Variants in LSAMP observed in about 807,000 individuals in gnomAD.
LSAMP encodes limbic system associated membrane protein.
Under a neutral mutation model 38.6 loss-of-function variants are expected in LSAMP, and 7 were observed. The observed-to-expected ratio is 0.18, with a 90% confidence interval of 0.10 to 0.34. The LOEUF (loss-of-function observed/expected upper bound fraction) is 0.34. LSAMP is among the 10% of genes least tolerant of loss of function. The pLI, the probability that LSAMP is intolerant of heterozygous loss-of-function variation, is 1.00. For missense variants in LSAMP, 313 were observed against 420.0 expected, an observed-to-expected ratio of 0.75 and a Z score of 2.23; for synonymous variants, 154 against 166.8, an observed-to-expected ratio of 0.92 and a Z score of 0.59.
intron 3 of LSAMP, among the ~76,000 whole-genome samples, chr3:115,871,425 A>G (rs112636434): frequency 4.3e-4 from 65 of 152,266 alleles, no homozygotes; most frequent in African/African-American, 1.6e-3. Context: ...TTACCATTGA[A>G]GGTTTCAGAG....
intron 2 of LSAMP, among the ~76,000 whole-genome samples, chr3:116,059,377 C>T (rs898426972): frequency 2.0e-5 from 3 of 152,164 alleles, no homozygotes; most frequent in African/African-American, 7.2e-5. Context: ...GTTCCTTTAG[C>T]TCTGCTTCTT....
intron 1 of LSAMP, among the ~76,000 whole-genome samples, chr3:116,266,545 TTTA>T (rs1026335056): frequency 5.9e-5 from 9 of 151,944 alleles, no homozygotes; most frequent in African/African-American, 1.9e-4. Flanking sequence ...ATAGGGAACT[TTTA>T]TTATTATTTC....
intron 1 of LSAMP, among the ~76,000 whole-genome samples, chr3:116,392,036 C>T (rs2048707741): frequency 6.6e-6 from 1 of 152,194 alleles, no homozygotes; most frequent in Admixed American, 6.5e-5. Context: ...CCTTGGGCCA[C>T]AGCATCCAGA....
At chr3:116,344,158 A>C (rs1235148645) in intron 1 of LSAMP, among the ~76,000 whole-genome samples, 3 of 152,140 alleles carry the variant, frequency 2.0e-5, no homozygotes, top group African/African-American at 7.2e-5. Context: ...AATGCCGAGT[A>C]GCTCTGCTGT....
At position 116,164,628 on chromosome 3, in the gene LSAMP, A is replaced by AATATAT. The variant is rs369789482; in HGVS notation, c.156-78078_156-78073dup. Among the ~76,000 whole-genome samples the AATATAT allele has an allele frequency of 9.9e-5, 9 of 91,204 alleles. 1 individual carries two copies. The highest frequency in any genetic ancestry group is 1.3e-4 in the African/African-American group (3 of 22,272). The allele number at this position is 91,204 out of a possible 152,430, so 59.8% of individuals were successfully genotyped here. On this transcript the variant is annotated intron_variant, in intron 1 of 6. Coordinates refer to ENST00000490035, the MANE Select transcript of LSAMP (RefSeq NM_002338.5). ...TATATATATATATATATATAATCCA[A>AATATAT]ATATATATATATATATAATCCAAAT...
At chr3:115,818,275 T>C (rs1011647491) in intron 6 of LSAMP, among the ~76,000 whole-genome samples, 3 of 152,146 alleles carry the variant, frequency 2.0e-5, no homozygotes, top group Non-Finnish European at 2.9e-5. Flanking sequence ...TCTTAGCTTA[T>C]TATGGTAAGA....
At chr3:115,973,397 A>C (rs990313102) in intron 3 of LSAMP, among the ~76,000 whole-genome samples, 1 of 152,108 alleles carries the variant, frequency 6.6e-6, no homozygotes, top group Non-Finnish European at 1.5e-5. Context: ...GCATATACAT[A>C]ATGAGATATC....
At chr3:115,961,307 G>T (rs1938619002) in intron 3 of LSAMP, among the ~76,000 whole-genome samples, 1 of 152,232 alleles carries the variant, frequency 6.6e-6, no homozygotes, top group East Asian at 1.9e-4. Context: ...ATCATAGCAA[G>T]CTGGCCACAT....
chr3:115,929,023 A>G (rs1937536486), intron 3 of LSAMP, among the ~76,000 whole-genome samples: 1 of 118,812 alleles, frequency 8.4e-6, no homozygotes, highest in Non-Finnish European at 1.6e-5. Flanking sequence ...GGTAGCGCTT[A>G]GCTGTAATAA....
chr3:115,932,847 A>G (rs1937603029), intron 3 of LSAMP, among the ~76,000 whole-genome samples: 1 of 152,180 alleles, frequency 6.6e-6, no homozygotes, highest in Non-Finnish European at 1.5e-5. Flanking sequence ...CTCAATAAAT[A>G]AGAGAGTAAT....
chr3:116,153,703 A>G (rs1284385119), intron 1 of LSAMP, among the ~76,000 whole-genome samples: 1 of 152,128 alleles, frequency 6.6e-6, no homozygotes, highest in Non-Finnish European at 1.5e-5. Context: ...TCTTGTAAAA[A>G]AAAATTAAAA....
chr3:116,312,353 C>T (rs2047569048), intron 1 of LSAMP, among the ~76,000 whole-genome samples: 1 of 152,116 alleles, frequency 6.6e-6, no homozygotes, highest in Admixed American at 6.5e-5. Context: ...TTTCACCTCT[C>T]TAGAGGCTAT....
Position 115,974,194 on chromosome 3 carries a change from A to G in LSAMP, c.514+45321T>C, listed in dbSNP as rs138181173. On this transcript the variant is annotated intron_variant, in intron 3 of 6. Coordinates refer to ENST00000490035, the MANE Select transcript of LSAMP (RefSeq NM_002338.5). ...ACCCCCCTCTACTAAAAATACAAAAATTAGCCAGGCATGATGGCAGGCTCC... is the reference window on the plus strand; with the variant it reads ...ACCCCCCTCTACTAAAAATACAAAAGTTAGCCAGGCATGATGGCAGGCTCC... Among the ~76,000 whole-genome samples the G allele has an allele frequency of 1.2e-4, 18 of 151,898 alleles. No individual in the cohort carries two copies. In the East Asian group the frequency reaches 3.5e-3, roughly 30 times the overall value.
At chr3:116,426,640 T>A (rs188984012) in intron 1 of LSAMP, among the ~76,000 whole-genome samples, 105 of 152,144 alleles carry the variant, frequency 6.9e-4, no homozygotes, top group African/African-American at 2.5e-3. Flanking sequence ...AAATAATTAA[T>A]AATAAAACCC....
chr3:116,085,368 C>G (rs1443419021), intron 2 of LSAMP, among the ~76,000 whole-genome samples: 1 of 152,168 alleles, frequency 6.6e-6, no homozygotes, highest in East Asian at 1.9e-4. Context: ...TAATCAATTC[C>G]ATAACACATT....
At chr3:115,897,952 G>A (rs747000603) in intron 3 of LSAMP, among the ~76,000 whole-genome samples, 17 of 152,110 alleles carry the variant, frequency 1.1e-4, no homozygotes, top group Admixed American at 3.3e-4. Flanking sequence ...GGAGCAGTTC[G>A]TGAGCTCTGG....
At chr3:115,916,503 A>G (rs145188456) in intron 3 of LSAMP, among the ~76,000 whole-genome samples, 2 of 152,316 alleles carry the variant, frequency 1.3e-5, no homozygotes, top group East Asian at 3.9e-4. Flanking sequence ...ATACTGATAT[A>G]TAGGTATATC....
At chr3:115,849,264 A>G (rs776576025) in intron 4 of LSAMP, among the ~76,000 whole-genome samples, 1 of 152,198 alleles carries the variant, frequency 6.6e-6, no homozygotes, top group African/African-American at 2.4e-5. Flanking sequence ...AAAAGTGGCT[A>G]TGTGTAATGC....
intron 1 of LSAMP, among the ~76,000 whole-genome samples, chr3:116,341,280 G>GTTT (rs773449934): frequency 6.6e-5 from 10 of 152,020 alleles, no homozygotes; most frequent in African/African-American, 2.4e-4. Context: ...GTTAAAAAGT[G>GTTT]TTTTTTGTTG....
Sources: allele counts gnomAD v4.1 joint callset (sites outside exome capture counted in the v4.1 genomes callset), GRCh38; gene constraint gnomAD v4.1.1; transcripts MANE v1.5; gene names NCBI Gene and HGNC (gene_info 2026-07-23, HGNC 2026-07-21).